Variants in MYOM1 observed in about 807,000 individuals in gnomAD.
MYOM1 encodes the protein myomesin-1.
A neutral mutation model predicts 205.3 loss-of-function variants in MYOM1; 164 were observed. The ratio of observed to expected loss-of-function variants is 0.80; its 90% confidence interval spans 0.70 to 0.91. MYOM1 has a LOEUF of 0.91. MYOM1 is among the 40% of genes least tolerant of loss of function. MYOM1 has a pLI of 0.00. For synonymous variants in MYOM1, 772 were observed against 789.4 expected (o/e 0.98, Z 0.37); for missense variants, 2,011 against 2,127.3 (o/e 0.95, Z 1.08).
intron 16 of MYOM1, among the ~76,000 whole-genome samples, chr18:3,132,318 T>C (rs7241021): frequency 0.013 from 1,960 of 151,754 alleles, 27 homozygotes; most frequent in South Asian, 0.053. Context: ...GCCTGGCTAA[T>C]TTTTTTGTAT....
chr18:3,180,113 T>C (rs1017647360), intron 5 of MYOM1, among the ~76,000 whole-genome samples: 1 of 152,148 alleles, frequency 6.6e-6, no homozygotes, highest in Non-Finnish European at 1.5e-5. Flanking sequence ...CTGGGTAACA[T>C]GGCAAGACTC....
intron 37 of MYOM1, among the ~76,000 whole-genome samples, chr18:3,069,983 T>C (rs1027319049): frequency 3.3e-5 from 5 of 152,206 alleles, no homozygotes; most frequent in Admixed American, 3.3e-4. Context: ...GGAAATGCAG[T>C]TGAATGAAAC....
intron 26 of MYOM1, among the ~76,000 whole-genome samples, chr18:3,093,128 G>T (rs2079249869): frequency 6.6e-6 from 1 of 152,070 alleles, no homozygotes; most frequent in African/African-American, 2.4e-5. Flanking sequence ...CACTGGAAAG[G>T]ACTATACTGC....
intron 8 of MYOM1, among the ~76,000 whole-genome samples, chr18:3,169,540 CG>C (rs1201227284): frequency 2.6e-5 from 4 of 152,040 alleles, no homozygotes; most frequent in Non-Finnish European, 5.9e-5. Flanking sequence ...AATGGCCAAC[CG>C]GTATACGGAA....
At chr18:3,150,584 A>C (rs1282604395) in intron 12 of MYOM1, among the ~76,000 whole-genome samples, 4 of 152,144 alleles carry the variant, frequency 2.6e-5, no homozygotes, top group Non-Finnish European at 2.9e-5. Context: ...GCCACCTCCC[A>C]CAACAACAAA....
rs368172542 is a variant in MYOM1 at position 3,067,406 on chromosome 18, G to A, written c.4914C>T (p.Thr1638=). Residue 1638 remains threonine, a synonymous_variant, in exon 38 of 38, where the codon ACC becomes ACT. Transcript: ENST00000356443. The stretch of plus-strand genomic sequence containing the variant: ...CCAGCCCGTATTTGCCCGAGTCAGC[G>A]GTGCTCACGCCGTTGATGGTGAAGT... ...TAYFTINGVS[T]ADSGKYGLVV... is the part of the protein sequence containing the mutation. 50 of 1,613,472 alleles carry A rather than the reference G, an allele frequency of 3.1e-5. 1 individual carries two copies. The highest frequency in any genetic ancestry group is 1.5e-4 in the South Asian group (14 of 91,056).
chr18:3,220,706 C>T (rs954290873), upstream of MYOM1, among the ~76,000 whole-genome samples: 4 of 152,190 alleles, frequency 2.6e-5, no homozygotes, highest in African/African-American at 9.7e-5. Flanking sequence ...ATTGATAGCA[C>T]TTAGTAGCCA....
At chr18:3,230,159 G>A in the MYOM1 span, among the ~76,000 whole-genome samples, 1 of 152,032 alleles carries the variant, frequency 6.6e-6, no homozygotes, top group Non-Finnish European at 1.5e-5. Context: ...TAATAAAATA[G>A]CTACCATTAT....
chr18:3,119,999 C>T lies in MYOM1; in HGVS notation c.2992-4G>A. 2.5e-6 allele frequency: 4 copies of T among 1,585,540 alleles called. No homozygotes were observed. Among genetic ancestry groups the T allele is most frequent in the Non-Finnish European group, 3.4e-6 (4 of 1,165,060 alleles). On this transcript the variant is annotated splice_polypyrimidine_tract_variant and splice_region_variant and intron_variant, in intron 19 of 37. Transcript: ENST00000356443. ...TGTTTTCCTTCAAGTTGCTAATCTGCAACATTGACAACATCACAGATACTG... is the reference window on the plus strand; with the variant it reads ...TGTTTTCCTTCAAGTTGCTAATCTGTAACATTGACAACATCACAGATACTG...
intron 3 of MYOM1, 42 bp downstream of exon 3, chr18:3,193,776 T>C (rs1462077212): frequency 2.5e-6 from 4 of 1,596,858 alleles, no homozygotes; most frequent in South Asian, 2.3e-5. Flanking sequence ...ACTTACTATA[T>C]ACTTCTTAAA....
chr18:3,118,677 C>T lies in MYOM1; in HGVS notation c.3118+1192G>A, dbSNP rs565891208. Among the ~76,000 whole-genome samples, 11 of 152,178 alleles carry T rather than the reference C, an allele frequency of 7.2e-5. No individual in the cohort carries two copies. In the South Asian group the frequency reaches 1.7e-3, roughly 23 times the overall value. ...CAAAAAAAATTTCTACAGGCCTGCT[C>T]GGAATTTCTTAGTCTCTAGTCGATT... On this transcript the variant is annotated intron_variant, in intron 20 of 37. Coordinates refer to ENST00000356443, the MANE Select transcript of MYOM1 (RefSeq NM_003803.4).
the MYOM1 span, among the ~76,000 whole-genome samples, chr18:3,234,313 A>T: frequency 6.6e-6 from 1 of 152,244 alleles, no homozygotes; most frequent in East Asian, 1.9e-4. Context: ...TACAGGAAAC[A>T]GTAGAGGAAA....
At chr18:3,237,958 C>T in the MYOM1 span, among the ~76,000 whole-genome samples, 65 of 152,134 alleles carry the variant, frequency 4.3e-4, no homozygotes, top group Non-Finnish European at 7.4e-4. Flanking sequence ...TCGAGGAAGA[C>T]GATATTTCCA....
intron 23 of MYOM1, among the ~76,000 whole-genome samples, chr18:3,101,270 G>A (rs1408435627): frequency 1.3e-5 from 2 of 152,098 alleles, no homozygotes; most frequent in Non-Finnish European, 2.9e-5. Context: ...ATAGAAAAAA[G>A]TACTTAGAAA....
At chr18:3,172,669 C>A (rs34323306) in intron 8 of MYOM1, among the ~76,000 whole-genome samples, 3 of 151,832 alleles carry the variant, frequency 2.0e-5, no homozygotes, top group African/African-American at 4.8e-5. Flanking sequence ...ACCACCATGC[C>A]TGGCTAATTT....
chr18:3,149,536 C>T (rs1023498695), intron 12 of MYOM1, among the ~76,000 whole-genome samples: 1 of 152,182 alleles, frequency 6.6e-6, no homozygotes, highest in Non-Finnish European at 1.5e-5. Flanking sequence ...TGCTCATCCC[C>T]TCTGAAGGAT....
intron 13 of MYOM1, among the ~76,000 whole-genome samples, chr18:3,143,409 C>G (rs990687477): frequency 6.6e-6 from 1 of 152,088 alleles, no homozygotes; most frequent in Non-Finnish European, 1.5e-5. Context: ...AGATGGAAAT[C>G]TGGATTTAAA....
the MYOM1 span, among the ~76,000 whole-genome samples, chr18:3,243,915 TG>T: frequency 6.6e-6 from 1 of 152,072 alleles, no homozygotes. Context: ...AGATCTCACT[TG>T]GGGAAAAAAA....
chr18:3,135,646 C>T lies in MYOM1; in HGVS notation c.2110G>A (p.Glu704Lys), dbSNP rs149528866. 9,710 of 1,613,888 alleles carry T rather than the reference C, an allele frequency of 6.0e-3. 71 individuals carry two copies. Among genetic ancestry groups the T allele is most frequent in the Non-Finnish European group, 5.4e-3 (6,337 of 1,179,868 alleles). The change falls in exon 15 of 38, where the codon GAG (glutamate) becomes AAG (lysine). Residue 704 changes from glutamate to lysine, a missense_variant. By Grantham distance (56) the Glu-to-Lys change is moderately conservative. Transcript: ENST00000356443. This position sits in a 1 kb window ranked among gnomAD's most constrained non-coding sequence, Gnocchi z 4.1. ...SPRFALFDLA[E>K]GKSYCFRVRC... ...ACACGGAAACAGTAGGATTTCCCCT[C>T]GGCCAAGTCAAACAGAGCAAAGCGG...
Sources: allele counts gnomAD v4.1 joint callset (sites outside exome capture counted in the v4.1 genomes callset), GRCh38; gene constraint gnomAD v4.1.1; non-coding constraint Gnocchi (gnomAD v3.1); transcripts MANE v1.5; gene names NCBI Gene and HGNC (gene_info 2026-07-23, HGNC 2026-07-21).